The following TMEM68 variants were observed in gnomAD, a reference collection of about 807,000 sequenced individuals.
The protein encoded by TMEM68 is transmembrane protein 68.
A neutral mutation model predicts 36.9 loss-of-function variants in TMEM68; 25 were observed. The observed-to-expected ratio is 0.68, with a 90% CI of 0.49 to 0.95. The LOEUF (loss-of-function observed/expected upper bound fraction) is 0.95, where lower values mean the gene tolerates loss of function less well. Ranked by LOEUF, TMEM68 falls within the 40% of genes least tolerant of loss-of-function variation. The pLI is 0.00. For missense variants in TMEM68, 333 were observed against 392.0 expected (o/e 0.85, Z 1.27); for synonymous variants, 131 against 124.4 (o/e 1.05, Z -0.35).
intron 5 of TMEM68, chr8:55,748,157 C>CA (rs1447924915): frequency 6.6e-6 from 1 of 152,188 alleles, no homozygotes; most frequent in Admixed American, 6.5e-5. Context: ...CTTGATCTTG[C>CA]AATATAATTA....
At position 55,740,193 on chromosome 8, in the gene TMEM68, A is replaced by G; in HGVS notation, c.914T>C (p.Ile305Thr). Residue 305 changes from isoleucine (I) to threonine (T), a missense_variant, in exon 8 of 8, where the codon ATT becomes ACT. Coordinates refer to ENST00000434581, the MANE Select transcript of TMEM68 (RefSeq NM_001286657.2). ...TCCTGGTATTCTTTGGTGCTTATCA[A>G]TCAAAGCTTGAACAGCATTCTTCGT... ...EKTKNAVQAL[I>T]DKHQRIPGNI... 8 of 1,613,546 alleles carry G rather than the reference A, an allele frequency of 5.0e-6. No homozygotes were observed. The highest frequency in any genetic ancestry group is 4.0e-5 in the African/African-American group (3 of 75,034).
At chr8:55,757,134 T>C (rs982220696) in intron 3 of TMEM68, among the ~76,000 whole-genome samples, 1 of 152,138 alleles carries the variant, frequency 6.6e-6, no homozygotes, top group African/African-American at 2.4e-5. Flanking sequence ...AGAGAAACTC[T>C]GTAGCCACAA....
chr8:55,756,207 A>G, intron 4 of TMEM68, 37 bp downstream of exon 4: 12 of 1,563,840 alleles, frequency 7.7e-6, no homozygotes, highest in Non-Finnish European at 1.0e-5. Context: ...TTTGTTAATA[A>G]AACATTTTTA....
chr8:55,766,437 C>T (rs144663818), intron 1 of TMEM68, among the ~76,000 whole-genome samples: 1,558 of 139,950 alleles, frequency 0.011, 11 homozygotes, highest in Middle Eastern at 0.025. Context: ...AGTGCAGTGG[C>T]GTGATCTCCA....
Position 55,740,011 on chromosome 8 carries a change from T to C in TMEM68, c.*121A>G. 1 of 719,914 alleles carries C rather than the reference T, an allele frequency of 1.4e-6. No homozygotes were observed. Among genetic ancestry groups the C allele is most frequent in the Non-Finnish European group, 2.2e-6 (1 of 460,428 alleles). The allele number at this position is 719,914 out of a possible 1,614,324, so 44.6% of individuals were successfully genotyped here. ...AGAAACGAATTCTGTGAAAGATGCT[T>C]ATTAACATGATTTTTTTAAAAAATA... On this transcript the variant is annotated 3_prime_UTR_variant, in exon 8 of 8. Transcript: ENST00000434581.
intron 3 of TMEM68, among the ~76,000 whole-genome samples, chr8:55,758,282 C>T (rs1168086648): frequency 2.0e-5 from 3 of 152,182 alleles, no homozygotes; most frequent in African/African-American, 7.2e-5. Context: ...TTGAATCCAC[C>T]TCCAACCGAC....
At chr8:55,769,951 G>A (rs1811100674) in intron 1 of TMEM68, among the ~76,000 whole-genome samples, 1 of 152,046 alleles carries the variant, frequency 6.6e-6, no homozygotes, top group South Asian at 2.1e-4. Flanking sequence ...ATCTTTAACA[G>A]AAATCTGGAT....
chr8:55,745,013 A>T, intron 6 of TMEM68, 48 bp downstream of exon 6: 1 of 1,270,890 alleles, frequency 7.9e-7, no homozygotes, highest in Non-Finnish European at 1.0e-6. Flanking sequence ...CAGCCCAAAT[A>T]TTTTAAAAAT....
chr8:55,754,609 T>C (rs2129965640), intron 4 of TMEM68, among the ~76,000 whole-genome samples: 1 of 133,524 alleles, frequency 7.5e-6, no homozygotes, highest in South Asian at 2.1e-4. Context: ...AATATATATT[T>C]ATATTATATA....
intron 4 of TMEM68, 79 bp downstream of exon 4, chr8:55,756,165 A>G: frequency 2.3e-6 from 3 of 1,286,146 alleles, no homozygotes; most frequent in Non-Finnish European, 3.2e-6. Flanking sequence ...GACGTTAGAG[A>G]GCTCAGGATA....
chr8:55,743,162 T>G (rs1225449581), intron 7 of TMEM68, among the ~76,000 whole-genome samples: 2 of 152,102 alleles, frequency 1.3e-5, no homozygotes, highest in Non-Finnish European at 2.9e-5. Context: ...AATTCTGACT[T>G]TCTCCCAAAC....
chr8:55,756,130 TA>T, intron 4 of TMEM68, 113 bp downstream of exon 4: 1 of 850,426 alleles, frequency 1.2e-6, no homozygotes, highest in Non-Finnish European at 1.7e-6. Context: ...ATACACACCC[TA>T]AAAGGCAAAA....
chr8:55,754,702 ATACT>A (rs1320350956), intron 4 of TMEM68, among the ~76,000 whole-genome samples: 6 of 124,226 alleles, frequency 4.8e-5, no homozygotes, highest in East Asian at 2.0e-4. Context: ...TATGAAATAC[ATACT>A]TATATATATA....
chr8:55,743,460 A>G, intron 7 of TMEM68, 21 bp downstream of exon 7: 1 of 1,511,762 alleles, frequency 6.6e-7, no homozygotes, highest in Non-Finnish European at 8.8e-7. Flanking sequence ...TCCTAAAACT[A>G]AAAAAGAAAA....
Position 55,743,638 on chromosome 8 carries a change from C to A in TMEM68, c.749-18G>T, listed in dbSNP as rs935376446. On this transcript the variant is annotated intron_variant, in intron 6 of 7. Transcript: ENST00000434581. ...AAATAACCCTGTTTTAGAGTAAATA[C>A]AATCATTTTAACTTGTTAAGTATTC... 1.3e-6 allele frequency: 2 copies of A among 1,524,954 alleles called. No homozygotes were observed. The highest frequency in any genetic ancestry group is 2.8e-5 in the African/African-American group (2 of 72,256). The allele number at this position is 1,524,954 out of a possible 1,614,324, so 94.5% of individuals were successfully genotyped here. A position where few individuals can be genotyped will look rare whatever the true frequency, so the allele number is the denominator to read the frequency against.
At chr8:55,741,503 G>A (rs1244053187) in intron 7 of TMEM68, among the ~76,000 whole-genome samples, 1 of 152,134 alleles carries the variant, frequency 6.6e-6, no homozygotes, top group Non-Finnish European at 1.5e-5. Context: ...AACTTAAAAC[G>A]AAGAATCAAG....
At chr8:55,763,648 A>G (rs1366622717) in intron 2 of TMEM68, 1 of 152,248 alleles carries the variant, frequency 6.6e-6, no homozygotes, top group Non-Finnish European at 1.5e-5. Context: ...TCAGCCTCCC[A>G]AAGTGCTGAG....
At chr8:55,758,590 G>C (rs143931747) in intron 3 of TMEM68, among the ~76,000 whole-genome samples, 20 of 152,302 alleles carry the variant, frequency 1.3e-4, no homozygotes, top group Admixed American at 2.6e-4. Flanking sequence ...TAGGACTTTT[G>C]AGCCCAAGAG....
chr8:55,754,774 T>TAAAATACATACA (rs1810541360), intron 4 of TMEM68, among the ~76,000 whole-genome samples: 1 of 34,646 alleles, frequency 2.9e-5, no homozygotes, highest in African/African-American at 8.6e-5. Flanking sequence ...ACATTATATA[T>TAAAATACATACA]TTATATTATA....
Sources: gnomAD v4.1 joint callset for allele counts (sites outside exome capture counted in the v4.1 genomes callset) on GRCh38, gnomAD v4.1.1 for gene constraint, MANE v1.5 for transcripts, NCBI Gene and HGNC (gene_info 2026-07-23, HGNC 2026-07-21) for gene names.